Variants in PCCA observed in about 807,000 individuals in gnomAD.
PCCA encodes the protein propionyl-CoA carboxylase subunit alpha.
Under a neutral mutation model 101.3 loss-of-function variants are expected in PCCA, and 74 were observed. The observed-to-expected ratio is 0.73, with a 90% CI of 0.61 to 0.89. PCCA has a LOEUF of 0.89. Among genes scored for constraint, PCCA ranks in the 40% least tolerant of loss-of-function variants. The probability of loss-of-function intolerance (pLI) is 0.00; values close to 1 mark genes in which losing one functional copy is unlikely to be tolerated. For synonymous variants in PCCA, 294 were observed against 313.6 expected (o/e 0.94, Z 0.66); for missense variants, 891 against 907.0 (o/e 0.98, Z 0.23).
intron 19 of PCCA, among the ~76,000 whole-genome samples, chr13:100,378,381 A>G (rs1008912226): frequency 7.9e-5 from 12 of 152,190 alleles, no homozygotes; most frequent in African/African-American, 2.9e-4. Context: ...GGCTTTAGAT[A>G]GTTTGACTAT....
intron 21 of PCCA, among the ~76,000 whole-genome samples, chr13:100,487,264 G>A (rs755696068): frequency 6.6e-6 from 1 of 152,152 alleles, no homozygotes; most frequent in Non-Finnish European, 1.5e-5. Context: ...TATTACTAAG[G>A]TGCTTGAAGG....
intron 6 of PCCA, among the ~76,000 whole-genome samples, chr13:100,177,493 A>C (rs913742246): frequency 1.3e-5 from 2 of 152,222 alleles, no homozygotes; most frequent in African/African-American, 4.8e-5. Flanking sequence ...TCTATTATTT[A>C]GTAAACATAT....
chr13:100,494,815 C>T (rs1439184018), intron 21 of PCCA, among the ~76,000 whole-genome samples: 1 of 152,126 alleles, frequency 6.6e-6, no homozygotes, highest in African/African-American at 2.4e-5. Context: ...TTCCTGTGTA[C>T]ACTCCTTAAA....
intron 7 of PCCA, among the ~76,000 whole-genome samples, 165 bp downstream of exon 7, chr13:100,209,628 C>CATTT (rs758344371): frequency 7.9e-5 from 12 of 152,026 alleles, no homozygotes; most frequent in Admixed American, 3.3e-4. Flanking sequence ...AGTGTTTTTA[C>CATTT]ATTTATTTAT....
At position 100,458,423 on chromosome 13, in the gene PCCA, GCA is replaced by G. The variant is rs143067653; in HGVS notation, c.1899+9133_1899+9134del. Among the ~76,000 whole-genome samples, 616 of 89,568 alleles carry G rather than the reference GCA, an allele frequency of 6.9e-3. 5 individuals carry two copies. Among genetic ancestry groups the G allele is most frequent in the East Asian group, 0.027 (87 of 3,176 alleles). 58.8% of individuals were successfully genotyped at this position (89,568 alleles called of 152,430 possible). On this transcript the variant is annotated intron_variant, in intron 21 of 23. Transcript: ENST00000376285. ...ACACAGTGGGACCCCATCTCTGCGCGCACACACACACACACATACACACACAC... is the reference window on the plus strand; with the variant it reads ...ACACAGTGGGACCCCATCTCTGCGCGCACACACACACACATACACACACAC...
At chr13:100,138,136 G>C in intron 4 of PCCA, among the ~76,000 whole-genome samples, 1 of 151,848 alleles carries the variant, frequency 6.6e-6, no homozygotes, top group Non-Finnish European at 1.5e-5. Context: ...TTGGGCTACT[G>C]TTTTATTATT....
intron 1 of PCCA, among the ~76,000 whole-genome samples, chr13:100,090,025 C>G (rs1381726636): frequency 6.6e-6 from 1 of 152,182 alleles, no homozygotes; most frequent in Non-Finnish European, 1.5e-5. Context: ...TGTTGAGGCA[C>G]TTGAACACAT....
intron 12 of PCCA, among the ~76,000 whole-genome samples, chr13:100,283,109 C>T (rs1414042620): frequency 6.6e-6 from 1 of 152,066 alleles, no homozygotes; most frequent in Admixed American, 6.5e-5. Flanking sequence ...CATAGATGTC[C>T]TACAAGGTCT....
chr13:100,136,830 G>A (rs2051235558), intron 4 of PCCA, among the ~76,000 whole-genome samples: 1 of 150,940 alleles, frequency 6.6e-6, no homozygotes, highest in South Asian at 2.2e-4. Flanking sequence ...TTTTATTGAT[G>A]CTTTAGAATA....
chr13:100,359,348 G>A (rs745807257), intron 18 of PCCA, among the ~76,000 whole-genome samples: 1 of 152,096 alleles, frequency 6.6e-6, no homozygotes. Context: ...AGTGCAGTTG[G>A]AAAGAAAAGA....
At chr13:100,101,899 G>A (rs1053833619) in intron 1 of PCCA, among the ~76,000 whole-genome samples, 2 of 152,110 alleles carry the variant, frequency 1.3e-5, no homozygotes, top group African/African-American at 2.4e-5. Flanking sequence ...CATGGTGCCC[G>A]ACTCTTTAAA....
chr13:100,171,633 A>G (rs968225772), intron 6 of PCCA, among the ~76,000 whole-genome samples: 13 of 152,374 alleles, frequency 8.5e-5, no homozygotes, highest in Non-Finnish European at 1.3e-4. Flanking sequence ...CTACGCCTGT[A>G]ATCCTAGCAG....
At chr13:100,262,876 A>G (rs763999603) in intron 10 of PCCA, 45 bp downstream of exon 10, 1 of 802,362 alleles carries the variant, frequency 1.2e-6, no homozygotes, top group East Asian at 2.5e-5. Flanking sequence ...TTAAAATAAT[A>G]TCATTTAATC....
At chr13:100,277,509 A>C (rs996780108) in intron 12 of PCCA, among the ~76,000 whole-genome samples, 5 of 152,024 alleles carry the variant, frequency 3.3e-5, no homozygotes, top group Non-Finnish European at 7.4e-5. Context: ...AGTCCCCAAT[A>C]AGCCCAAGTT....
rs200047396 is a variant in PCCA, at chr13:100,330,164, C to T, written c.1430-397C>T. On this transcript the variant is annotated intron_variant, in intron 16 of 23. Coordinates refer to ENST00000376285, the MANE Select transcript of PCCA (RefSeq NM_000282.4). ...TGCTCTCCAAGAGTTCGTCAAATCC[C>T]GAAGCATGGATTTTTATGCTACAGG... Among the ~76,000 whole-genome samples, 3 of 152,180 alleles carry T rather than the reference C, an allele frequency of 2.0e-5. No individual in the cohort carries two copies. The East Asian group carries it at 5.8e-4, about 29-fold the overall frequency.
chr13:100,370,192 C>T (rs2075487852), intron 19 of PCCA, among the ~76,000 whole-genome samples: 1 of 136,310 alleles, frequency 7.3e-6, no homozygotes, highest in Admixed American at 8.5e-5. Flanking sequence ...CAAGTGATTT[C>T]TCCTGCCTCA....
At position 100,101,936 on chromosome 13, in the gene PCCA, A is replaced by G. The variant is rs1465959589; in HGVS notation, c.106-947A>G. Reference sequence around the variant, plus strand: ...AATAGTTGTACAAATTTTTCAGTTCATTTAAAAATGTTGCTATAAGAACAT... The same window carrying G: ...AATAGTTGTACAAATTTTTCAGTTCGTTTAAAAATGTTGCTATAAGAACAT... On this transcript the variant is annotated intron_variant, in intron 1 of 23. Transcript: ENST00000376285. Among the ~76,000 whole-genome samples the G allele has an allele frequency of 2.6e-5, 4 of 152,282 alleles. No individual in the cohort carries two copies. The South Asian group carries it at 6.2e-4, about 24-fold the overall frequency.
chr13:100,303,055 CT>C, intron 14 of PCCA, 57 bp downstream of exon 14: 1 of 956,538 alleles, frequency 1.0e-6, no homozygotes, highest in Non-Finnish European at 1.7e-6. Context: ...TTATGTCATA[CT>C]TTTATGTTAA....
Position 100,271,522 on chromosome 13 carries a change from A to C in PCCA, c.915-1674A>C, listed in dbSNP as rs189568609. On this transcript the variant is annotated intron_variant, in intron 11 of 23. Transcript: ENST00000376285. ...ATGCAGTTGAACCAAGAATGTGAGA[A>C]ATAAGACAGTAAAATGACCAGATCC... Among the ~76,000 whole-genome samples, 16 of 152,324 alleles carry C rather than the reference A, an allele frequency of 1.1e-4. 1 individual carries two copies. In the East Asian group the frequency reaches 2.9e-3, roughly 28 times the overall value.
Sources: gnomAD v4.1 joint callset for allele counts (sites outside exome capture counted in the v4.1 genomes callset) on GRCh38, gnomAD v4.1.1 for gene constraint, MANE v1.5 for transcripts, NCBI Gene and HGNC (gene_info 2026-07-23, HGNC 2026-07-21) for gene names.